The following SOX1 variants were observed in gnomAD, a reference collection of about 807,000 sequenced individuals.
The protein encoded by SOX1 is transcription factor SOX-1.
Under a neutral mutation model 0.9 loss-of-function variants are expected in SOX1, and 1 was observed. The observed-to-expected ratio is 1.07, with a 90% CI of 0.38 to 5.06. The LOEUF is 5.06. Ranked by LOEUF, SOX1 falls within the 30% of genes most tolerant of loss-of-function variation. The pLI is 0.16. For missense variants in SOX1, 564 were observed against 534.4 expected (o/e 1.06, Z -0.55); for synonymous variants, 397 against 265.5 (o/e 1.50, Z -4.81).
At position 112,068,797 on chromosome 13, in the gene SOX1, C is replaced by CGGGCGTGGGCGT. The variant is rs137969745; in HGVS notation, c.1146_1147insGGCGTGGGCGTG (p.Val382_Asn383insGlyValGlyVal). 1 of 1,225,658 alleles carries CGGGCGTGGGCGT rather than the reference C, an allele frequency of 8.2e-7. No individual in the cohort carries two copies. Among genetic ancestry groups the CGGGCGTGGGCGT allele is most frequent in the South Asian group, 3.7e-5 (1 of 27,204 alleles). 75.9% of individuals were successfully genotyped at this position (1,225,658 alleles called of 1,614,324 possible). On this transcript the variant is annotated inframe_insertion, in exon 1 of 1. Coordinates refer to ENST00000330949, the MANE Select transcript of SOX1 (RefSeq NM_005986.3). The surrounding 1 kb of genome is among the most constrained non-coding windows in gnomAD (Gnocchi z 6.9). ...CCGCAGCACTACCAGGGCGCGGGCGCGGGCGTGAACGGCACGGTGCCCCTG... is the reference window on the plus strand; with the variant it reads ...CCGCAGCACTACCAGGGCGCGGGCGCGGGCGTGGGCGTGGGCGTGAACGGCACGGTGCCCCTG...
Position 112,068,345 on chromosome 13 carries a change from G to A in SOX1, c.687G>A (p.Ala229=). 1 of 1,219,332 alleles carries A rather than the reference G, an allele frequency of 8.2e-7. No individual in the cohort carries two copies. The highest frequency in any genetic ancestry group is 1.0e-6 in the Non-Finnish European group (1 of 960,086). 75.5% of individuals were successfully genotyped at this position (1,219,332 alleles called of 1,614,324 possible). A position where few individuals can be genotyped will look rare whatever the true frequency, so the allele number is the denominator to read the frequency against. The change falls in exon 1 of 1, where the codon GCG becomes GCA. Residue 229 remains alanine (A), a synonymous_variant. Transcript: ENST00000330949. The surrounding 1 kb of genome is among the most constrained non-coding windows in gnomAD (Gnocchi z 6.9). ...AGGAHPHAHP[A]HPHPHHPHAH... ...GCGCGCACCCGCACGCGCACCCCGC[G>A]CACCCGCACCCGCACCACCCGCACG...
chr13:112,067,689 C>T lies in SOX1; in HGVS notation c.31C>T (p.His11Tyr). 1 of 1,279,966 alleles carries T rather than the reference C, an allele frequency of 7.8e-7. No homozygotes were observed. Among genetic ancestry groups the T allele is most frequent in the Middle Eastern group, 2.6e-4 (1 of 3,814 alleles). 79.3% of individuals were successfully genotyped at this position (1,279,966 alleles called of 1,614,324 possible). ...CAGCATGATGATGGAGACCGACCTG[C>T]ACTCGCCCGGCGGCGCCCAGGCCCC... MYSMMMETDL[H>Y]SPGGAQAPTN... Residue 11 changes from histidine (H) to tyrosine (Y), a missense_variant, in exon 1 of 1, where the codon CAC (histidine) becomes TAC (tyrosine). Physicochemically the swap from His to Tyr is moderately conservative, Grantham distance 83. Transcript: ENST00000330949. The surrounding 1 kb of genome is among the most constrained non-coding windows in gnomAD (Gnocchi z 5.1).
chr13:112,068,831 C>T lies in SOX1; in HGVS notation c.1173C>T (p.Ile391=). The T allele has an allele frequency of 1.6e-6, 2 of 1,219,334 alleles. No homozygotes were observed. The highest frequency in any genetic ancestry group is 2.1e-6 in the Non-Finnish European group (2 of 973,314). 75.5% of individuals were successfully genotyped at this position (1,219,334 alleles called of 1,614,324 possible). Residue 391 remains isoleucine, a synonymous_variant, in exon 1 of 1, where the codon ATC becomes ATT. Coordinates refer to ENST00000330949, the MANE Select transcript of SOX1 (RefSeq NM_005986.3). This position sits in a 1 kb window ranked among gnomAD's most constrained non-coding sequence, Gnocchi z 6.9. ...ACGGCACGGTGCCCCTGACGCACAT[C>T]TAGCGCCTTCGGGACGCCGGGGACT... ...GVNGTVPLTH[I]
chr13:112,068,772 C>T lies in SOX1; in HGVS notation c.1114C>T (p.Pro372Ser), dbSNP rs1427558069. ...AAAQSRLHSL[P>S]QHYQGAGAGV... ...GGCGCAGAGCCGGCTGCACTCGCTG[C>T]CGCAGCACTACCAGGGCGCGGGCGC... The change falls in exon 1 of 1, where the codon CCG becomes TCG. Residue 372 changes from proline to serine, a missense_variant. Transcript: ENST00000330949. The surrounding 1 kb of genome is among the most constrained non-coding windows in gnomAD (Gnocchi z 6.9). 2 of 1,216,604 alleles carry T rather than the reference C, an allele frequency of 1.6e-6. No homozygotes were observed. Among genetic ancestry groups the T allele is most frequent in the Non-Finnish European group, 2.0e-6 (2 of 978,740 alleles). The allele number at this position is 1,216,604 out of a possible 1,614,324, so 75.4% of individuals were successfully genotyped here.
chr13:112,068,786 G>C lies in SOX1; in HGVS notation c.1128G>C (p.Gln376His). Reference sequence around the variant, plus strand: ...TGCACTCGCTGCCGCAGCACTACCAGGGCGCGGGCGCGGGCGTGAACGGCA... The same window carrying C: ...TGCACTCGCTGCCGCAGCACTACCACGGCGCGGGCGCGGGCGTGAACGGCA... ...SRLHSLPQHYQGAGAGVNGTV... is the reference protein window; with the variant it reads ...SRLHSLPQHYHGAGAGVNGTV... Residue 376 changes from glutamine to histidine, a missense_variant, in exon 1 of 1, where the codon CAG becomes CAC. Coordinates refer to ENST00000330949, the MANE Select transcript of SOX1 (RefSeq NM_005986.3). This position sits in a 1 kb window ranked among gnomAD's most constrained non-coding sequence, Gnocchi z 6.9. 8.2e-7 allele frequency: 1 copy of C among 1,224,142 alleles called. No individual in the cohort carries two copies. The highest frequency in any genetic ancestry group is 1.0e-6 in the Non-Finnish European group (1 of 982,288). 75.8% of individuals were successfully genotyped at this position (1,224,142 alleles called of 1,614,324 possible). A position where few individuals can be genotyped will look rare whatever the true frequency, so the allele number is the denominator to read the frequency against.
chr13:112,068,914 CGGCGT>C lies in SOX1; in HGVS notation c.*84_*88del, dbSNP rs911843023. Reference sequence around the variant, plus strand: ...GCCCGGCTCCCGCCCCGCCCCGGCGCGGCGTGGCTTTTGTACAGACGTTCCCACAT... The same window carrying C: ...GCCCGGCTCCCGCCCCGCCCCGGCGCGGCTTTTGTACAGACGTTCCCACAT... On this transcript the variant is annotated 3_prime_UTR_variant, in exon 1 of 1. Coordinates refer to ENST00000330949, the MANE Select transcript of SOX1 (RefSeq NM_005986.3). This position sits in a 1 kb window ranked among gnomAD's most constrained non-coding sequence, Gnocchi z 6.9. The C allele has an allele frequency of 3.6e-6, 4 of 1,103,866 alleles. No homozygotes were observed. In the African/African-American group the frequency reaches 6.6e-5, roughly 18 times the overall value. The allele number at this position is 1,103,866 out of a possible 1,614,324, so 68.4% of individuals were successfully genotyped here. A position where few individuals can be genotyped will look rare whatever the true frequency, so the allele number is the denominator to read the frequency against.
At position 112,071,142 on chromosome 13, in the gene SOX1, T is replaced by C. The variant is rs1875862912; in HGVS notation, c.*2308T>C. ...TCTCTCTGAGGTTCTTTGACTGACG[T>C]CCACTCTCAGTCTGGCCCCTGTGCT... On this transcript the variant is annotated 3_prime_UTR_variant, in exon 1 of 1. Coordinates refer to ENST00000330949, the MANE Select transcript of SOX1 (RefSeq NM_005986.3). Among the ~76,000 whole-genome samples the C allele has an allele frequency of 6.6e-6, 1 of 152,232 alleles. No homozygotes were observed. The highest frequency in any genetic ancestry group is 6.5e-5 in the Admixed American group (1 of 15,290).
rs1179775656 is a variant in SOX1, at chr13:112,067,763, CGGG to C, written c.108_110del (p.Gly43del). 50 of 1,265,648 alleles carry C rather than the reference CGGG, an allele frequency of 4.0e-5. No individual in the cohort carries two copies. The highest frequency in any genetic ancestry group is 4.9e-5 in the Non-Finnish European group (49 of 998,686). The allele number at this position is 1,265,648 out of a possible 1,614,324, so 78.4% of individuals were successfully genotyped here. On this transcript the variant is annotated inframe_deletion, in exon 1 of 1. Coordinates refer to ENST00000330949, the MANE Select transcript of SOX1 (RefSeq NM_005986.3). This position sits in a 1 kb window ranked among gnomAD's most constrained non-coding sequence, Gnocchi z 5.1. The stretch of plus-strand genomic sequence containing the variant: ...GGGCGGGCGGCGGCGGGGGCGGAGG[CGGG>C]GGCGGCGGCGGCGGCGGGGGCGCCA...
chr13:112,068,524 G>C lies in SOX1; in HGVS notation c.866G>C (p.Gly289Ala). 1 of 999,102 alleles carries C rather than the reference G, an allele frequency of 1.0e-6. No individual in the cohort carries two copies. The highest frequency in any genetic ancestry group is 1.2e-6 in the Non-Finnish European group (1 of 840,022). The allele number at this position is 999,102 out of a possible 1,614,324, so 61.9% of individuals were successfully genotyped here. The change falls in exon 1 of 1, where the codon GGC becomes GCC. Residue 289 changes from glycine (G) to alanine (A), a missense_variant. Gly to Ala is a moderately conservative substitution (Grantham distance 60). Transcript: ENST00000330949. The surrounding 1 kb of genome is among the most constrained non-coding windows in gnomAD (Gnocchi z 6.9). ...GAAAAAAAAA[G>A]GAHQNSAVAA... is the part of the protein sequence containing the mutation. ...GCGGCCGCCGCCGCCGCCGCTGCGG[G>C]CGGCGCGCACCAGAACTCGGCCGTG...
At position 112,068,489 on chromosome 13, in the gene SOX1, C is replaced by G; in HGVS notation, c.831C>G (p.Pro277=). ...SASPSGYGGL[P]YGAAAAAAAA... Reference sequence around the variant, plus strand: ...CGCCCTCGGGCTACGGCGGCCTCCCCTACGGCGCCGCGGCCGCCGCCGCCG... The same window carrying G: ...CGCCCTCGGGCTACGGCGGCCTCCCGTACGGCGCCGCGGCCGCCGCCGCCG... Residue 277 remains proline, a synonymous_variant, in exon 1 of 1, where the codon CCC becomes CCG. Transcript: ENST00000330949. The surrounding 1 kb of genome is among the most constrained non-coding windows in gnomAD (Gnocchi z 6.9). 5 of 1,069,716 alleles carry G rather than the reference C, an allele frequency of 4.7e-6. No homozygotes were observed. The highest frequency in any genetic ancestry group is 2.3e-6 in the Non-Finnish European group (2 of 885,044). 66.3% of individuals were successfully genotyped at this position (1,069,716 alleles called of 1,614,324 possible). A position where few individuals can be genotyped will look rare whatever the true frequency, so the allele number is the denominator to read the frequency against.
At position 112,070,893 on chromosome 13, in the gene SOX1, C is replaced by T. The variant is rs879065524; in HGVS notation, c.*2059C>T. ...CTTTTCTTTTTCTTTATTTTTATTTCTTTTAGCTATTTGATCCTTTCTGAA... is the reference window on the plus strand; with the variant it reads ...CTTTTCTTTTTCTTTATTTTTATTTTTTTTAGCTATTTGATCCTTTCTGAA... On this transcript the variant is annotated 3_prime_UTR_variant, in exon 1 of 1. Coordinates refer to ENST00000330949, the MANE Select transcript of SOX1 (RefSeq NM_005986.3). Among the ~76,000 whole-genome samples, 5 of 137,842 alleles carry T rather than the reference C, an allele frequency of 3.6e-5. No individual in the cohort carries two copies. The highest frequency in any genetic ancestry group is 2.2e-4 in the Admixed American group (3 of 13,812). The allele number at this position is 137,842 out of a possible 152,430, so 90.4% of individuals were successfully genotyped here.
rs929161122 is a variant in SOX1, at chr13:112,071,056, G to T, written c.*2222G>T. 6.6e-6 allele frequency among the ~76,000 whole-genome samples: 1 copy of T among 152,102 alleles called. No homozygotes were observed. Among genetic ancestry groups the T allele is most frequent in the African/African-American group, 2.4e-5 (1 of 41,410 alleles). On this transcript the variant is annotated 3_prime_UTR_variant, in exon 1 of 1. Coordinates refer to ENST00000330949, the MANE Select transcript of SOX1 (RefSeq NM_005986.3). ...TAATGCTTGTTCTGTTAACTCACCG[G>T]GACCTTGAGGGTCCAATGGGACCTT...
rs1237453854 is a variant in SOX1, at chr13:112,071,584, T to C, written c.*2750T>C. Among the ~76,000 whole-genome samples the C allele has an allele frequency of 6.6e-6, 1 of 152,054 alleles. No homozygotes were observed. Among genetic ancestry groups the C allele is most frequent in the Non-Finnish European group, 1.5e-5 (1 of 68,012 alleles). On this transcript the variant is annotated 3_prime_UTR_variant, in exon 1 of 1. Coordinates refer to ENST00000330949, the MANE Select transcript of SOX1 (RefSeq NM_005986.3). ...GTGGAGAAAAGATTACAGTAGGCCC[T>C]GAGCCGACTGTGAATTCGGTGCTTG...
Position 112,068,414 on chromosome 13 carries a change from C to G in SOX1, c.756C>G (p.Gly252=), listed in dbSNP as rs1378779175. The part of the protein sequence containing the change: ...NPQPMHRYDM[G]ALQYSPISNS... ...AGCCCATGCACCGCTACGACATGGGCGCGCTGCAGTACAGCCCCATCTCCA... is the reference window on the plus strand; with the variant it reads ...AGCCCATGCACCGCTACGACATGGGGGCGCTGCAGTACAGCCCCATCTCCA... Residue 252 remains glycine, a synonymous_variant, in exon 1 of 1, where the codon GGC becomes GGG. Transcript: ENST00000330949. The surrounding 1 kb of genome is among the most constrained non-coding windows in gnomAD (Gnocchi z 6.9). The G allele has an allele frequency of 4.6e-6, 6 of 1,298,906 alleles. No homozygotes were observed. In the Admixed American group the frequency reaches 1.7e-4, roughly 36 times the overall value. 80.5% of individuals were successfully genotyped at this position (1,298,906 alleles called of 1,614,324 possible).
In SOX1 at chr13:112,068,416, C is replaced by T; in HGVS notation, c.758C>T (p.Ala253Val). 3.9e-6 allele frequency: 5 copies of T among 1,295,582 alleles called. No individual in the cohort carries two copies. The South Asian group carries it at 5.5e-5, about 14-fold the overall frequency. 80.3% of individuals were successfully genotyped at this position (1,295,582 alleles called of 1,614,324 possible). ...PQPMHRYDMGALQYSPISNSQ... is the reference protein window; with the variant it reads ...PQPMHRYDMGVLQYSPISNSQ... ...CCCATGCACCGCTACGACATGGGCG[C>T]GCTGCAGTACAGCCCCATCTCCAAC... is the stretch of plus-strand genomic sequence containing the variant. The change falls in exon 1 of 1, where the codon GCG becomes GTG. Residue 253 changes from alanine (A) to valine (V), a missense_variant. Physicochemically the swap from Ala to Val is moderately conservative, Grantham distance 64. Coordinates refer to ENST00000330949, the MANE Select transcript of SOX1 (RefSeq NM_005986.3). The surrounding 1 kb of genome is among the most constrained non-coding windows in gnomAD (Gnocchi z 6.9).
rs986563504 is a variant in SOX1 at position 112,070,172 on chromosome 13, C to G, written c.*1338C>G. On this transcript the variant is annotated 3_prime_UTR_variant, in exon 1 of 1. Coordinates refer to ENST00000330949, the MANE Select transcript of SOX1 (RefSeq NM_005986.3). ...CAGCCGAGCCCCCTCCGTCCATCCT[C>G]TGCCCCTCCCCCTGGCTTCTTTCTC... The G allele has an allele frequency of 6.0e-6, 1 of 167,156 alleles. No individual in the cohort carries two copies. The highest frequency in any genetic ancestry group is 1.5e-5 in the Non-Finnish European group (1 of 68,148). 10.4% of individuals were successfully genotyped at this position (167,156 alleles called of 1,614,324 possible). A position where few individuals can be genotyped will look rare whatever the true frequency, so the allele number is the denominator to read the frequency against.
rs1224143772 is a variant in SOX1, at chr13:112,068,889, G to C, written c.*55G>C. 8.5e-7 allele frequency: 1 copy of C among 1,179,944 alleles called. No individual in the cohort carries two copies. Among genetic ancestry groups the C allele is most frequent in the Non-Finnish European group, 1.1e-6 (1 of 943,620 alleles). The allele number at this position is 1,179,944 out of a possible 1,614,324, so 73.1% of individuals were successfully genotyped here. A position where few individuals can be genotyped will look rare whatever the true frequency, so the allele number is the denominator to read the frequency against. On this transcript the variant is annotated 3_prime_UTR_variant, in exon 1 of 1. Transcript: ENST00000330949. This position sits in a 1 kb window ranked among gnomAD's most constrained non-coding sequence, Gnocchi z 6.9. ...GGCGACCCACGAGCTCGCGGCCCGC[G>C]CCCGGCTCCCGCCCCGCCCCGGCGC...
rs1286579850 is a variant in SOX1, at chr13:112,069,601, TTCGAG to T, written c.*770_*774del. 1.3e-4 allele frequency: 22 copies of T among 167,062 alleles called. No homozygotes were observed. In the Admixed American group the frequency reaches 1.4e-3, roughly 11 times the overall value. The allele number at this position is 167,062 out of a possible 1,614,324, so 10.3% of individuals were successfully genotyped here. On this transcript the variant is annotated 3_prime_UTR_variant, in exon 1 of 1. Coordinates refer to ENST00000330949, the MANE Select transcript of SOX1 (RefSeq NM_005986.3). ...AAAAAAGACCCCCCACCCAAAATGT[TTCGAG>T]TCAACAAATTTAAGAGACAGAGCCC...
rs1302058211 is a variant in SOX1, at chr13:112,069,606, GT to G, written c.*773del. The G allele has an allele frequency of 1.2e-5, 2 of 166,946 alleles. No homozygotes were observed. The highest frequency in any genetic ancestry group is 4.8e-5 in the African/African-American group (2 of 41,398). 10.3% of individuals were successfully genotyped at this position (166,946 alleles called of 1,614,324 possible). On this transcript the variant is annotated 3_prime_UTR_variant, in exon 1 of 1. Transcript: ENST00000330949. ...AGACCCCCCACCCAAAATGTTTCGA[GT>G]CAACAAATTTAAGAGACAGAGCCCA...
Sources: gnomAD v4.1 joint callset for allele counts (sites outside exome capture counted in the v4.1 genomes callset) on GRCh38, gnomAD v4.1.1 for gene constraint, Gnocchi (gnomAD v3.1) non-coding constraint, MANE v1.5 for transcripts, NCBI Gene and HGNC (gene_info 2026-07-23, HGNC 2026-07-21) for gene names.